Variants in PCDHGB1 observed in about 807,000 individuals in gnomAD.
PCDHGB1 encodes protocadherin gamma subfamily B, 1, also known as protocadherin gamma-B1.
PCDHGB1 carries 34 observed loss-of-function variants against 56.6 expected under a neutral mutation model. That is an observed-to-expected ratio of 0.60 (90% CI 0.46 to 0.80). PCDHGB1 has a LOEUF of 0.80. Among genes scored for constraint, PCDHGB1 ranks in the 30% least tolerant of loss-of-function variants. The pLI is 0.00. For missense variants in PCDHGB1, 1,278 were observed against 1,204.6 expected (o/e 1.06, Z -0.90); for synonymous variants, 561 against 505.9 (o/e 1.11, Z -1.46).
At chr5:141,472,980 C>CAAAAAAAAAA (rs60579131) in intron 1 of PCDHGB1, among the ~76,000 whole-genome samples, 34 of 85,838 alleles carry the variant, frequency 4.0e-4, no homozygotes, top group South Asian at 1.3e-3. Context: ...GAGTGAAACT[C>CAAAAAAAAAA]AAAAAAAAAA....
At chr5:141,447,675 C>T (rs1416110491) in intron 1 of PCDHGB1, among the ~76,000 whole-genome samples, 13 of 152,064 alleles carry the variant, frequency 8.5e-5, no homozygotes, top group Admixed American at 8.5e-4. Context: ...TAGAACTGTT[C>T]CATATCTTGA....
chr5:141,370,186 G>A (rs1032273618), intron 1 of PCDHGB1: 2 of 508,450 alleles, frequency 3.9e-6, no homozygotes, highest in Non-Finnish European at 6.8e-6. Flanking sequence ...GCCGCTCTTG[G>A]CTAGTGCTGT....
At chr5:141,467,901 C>T (rs1484485803) in intron 1 of PCDHGB1, among the ~76,000 whole-genome samples, 7 of 152,034 alleles carry the variant, frequency 4.6e-5, no homozygotes, top group Admixed American at 1.3e-4. Flanking sequence ...TCAAGAAATC[C>T]GCCCACCTCA....
At chr5:141,387,843 G>A in intron 1 of PCDHGB1, 5 of 1,597,072 alleles carry the variant, frequency 3.1e-6, no homozygotes, top group Admixed American at 1.7e-5. Flanking sequence ...TTTGTAACCC[G>A]GCGTCTCCAG....
At position 141,350,904 on chromosome 5, in the gene PCDHGB1, G is replaced by A; in HGVS notation, c.644G>A (p.Gly215Glu). The A allele has an allele frequency of 6.2e-7, 1 of 1,614,054 alleles. No individual in the cohort carries two copies. The highest frequency in any genetic ancestry group is 8.5e-7 in the Non-Finnish European group (1 of 1,179,904). Residue 215 changes from glycine to glutamate, a missense_variant, in exon 1 of 4, where the codon GGG (glycine) becomes GAG (glutamate). Coordinates refer to ENST00000523390, the MANE Select transcript of PCDHGB1 (RefSeq NM_018922.3). ...TTAATCCTGACTGCCATGGATGGCGGGGACCCGCCTCTAAGCGGCACCACC... is the reference window on the plus strand; with the variant it reads ...TTAATCCTGACTGCCATGGATGGCGAGGACCCGCCTCTAAGCGGCACCACC... ...HRLILTAMDG[G>E]DPPLSGTTHI...
chr5:141,505,182 C>T (rs1302018549), intron 2 of PCDHGB1, among the ~76,000 whole-genome samples: 2 of 152,094 alleles, frequency 1.3e-5, no homozygotes, highest in East Asian at 3.9e-4. Context: ...AAAAAAGCAT[C>T]GGAGGCAGCA....
intron 1 of PCDHGB1, among the ~76,000 whole-genome samples, chr5:141,433,378 T>C (rs1246585250): frequency 6.6e-5 from 10 of 151,072 alleles, no homozygotes. Context: ...TATCTATCTA[T>C]CTATCTATCT....
chr5:141,374,729 G>A, intron 1 of PCDHGB1: 2 of 1,610,396 alleles, frequency 1.2e-6, no homozygotes, highest in African/African-American at 2.7e-5. Context: ...TACTGCCATG[G>A]ATGGCGGCGA....
At chr5:141,375,511 A>G (rs372798366) in intron 1 of PCDHGB1, 69 of 1,613,842 alleles carry the variant, frequency 4.3e-5, no homozygotes, top group Non-Finnish European at 5.4e-5. Flanking sequence ...CTGTGAATGC[A>G]CTGGACCCTG....
At chr5:141,479,241 G>T (rs2099490987) in intron 1 of PCDHGB1, 1 of 152,174 alleles carries the variant, frequency 6.6e-6, no homozygotes, top group Admixed American at 6.5e-5. Context: ...CAAACCCAAA[G>T]ATAACCATTT....
chr5:141,386,504 T>A (rs1351334049), intron 1 of PCDHGB1, among the ~76,000 whole-genome samples: 1 of 84,712 alleles, frequency 1.2e-5, no homozygotes, highest in Non-Finnish European at 2.3e-5. Flanking sequence ...AACAAGACTC[T>A]GTCTCTTCAA....
In PCDHGB1 at chr5:141,489,088, G is replaced by GGCA; in HGVS notation, c.2410-5719_2410-5718insGCA. The GGCA allele has an allele frequency of 2.9e-6, 1 of 347,238 alleles. No individual in the cohort carries two copies. Among genetic ancestry groups the GGCA allele is most frequent in the Non-Finnish European group, 5.0e-6 (1 of 200,706 alleles). The allele number at this position is 347,238 out of a possible 1,614,324, so 21.5% of individuals were successfully genotyped here. A position where few individuals can be genotyped will look rare whatever the true frequency, so the allele number is the denominator to read the frequency against. The stretch of plus-strand genomic sequence containing the variant: ...CCCCTGCCCACCCCCGCCACTCGGT[G>GGCA]ACTAAGAACTGCTGCAAGCAGGCAA... On this transcript the variant is annotated intron_variant, in intron 1 of 3. Coordinates refer to ENST00000523390, the MANE Select transcript of PCDHGB1 (RefSeq NM_018922.3). This position sits in a 1 kb window ranked among gnomAD's most constrained non-coding sequence, Gnocchi z 4.5.
In PCDHGB1 at chr5:141,477,772, C is replaced by G. The variant is rs760319541; in HGVS notation, c.2410-17035C>G. The G allele has an allele frequency of 1.5e-5, 25 of 1,613,908 alleles. No homozygotes were observed. Among genetic ancestry groups the G allele is most frequent in the Non-Finnish European group, 2.1e-5 (25 of 1,180,042 alleles). On this transcript the variant is annotated intron_variant, in intron 1 of 3. Coordinates refer to ENST00000523390, the MANE Select transcript of PCDHGB1 (RefSeq NM_018922.3). This position sits in a 1 kb window ranked among gnomAD's most constrained non-coding sequence, Gnocchi z 4.9. Reference sequence around the variant, plus strand: ...CCCCGGTCCTAGCCACCAACATCAGCGTGAACATATTTGTCACTGATCGCA... The same window carrying G: ...CCCCGGTCCTAGCCACCAACATCAGGGTGAACATATTTGTCACTGATCGCA...
chr5:141,374,907 G>T (rs778308894), intron 1 of PCDHGB1: 1 of 1,613,828 alleles, frequency 6.2e-7, no homozygotes, highest in Non-Finnish European at 8.5e-7. Flanking sequence ...GGAGTCCACG[G>T]GGAAGTAACT....
intron 1 of PCDHGB1, among the ~76,000 whole-genome samples, chr5:141,443,297 A>G (rs1208893030): frequency 6.7e-6 from 1 of 148,196 alleles, no homozygotes; most frequent in East Asian, 2.0e-4. Context: ...CCTGGACAGC[A>G]TGGCAAAAAC....
rs201085226 is a variant in PCDHGB1 at position 141,365,970 on chromosome 5, C to T, written c.2409+13301C>T. 2.6e-5 allele frequency: 42 copies of T among 1,614,138 alleles called. 1 individual carries two copies. The Admixed American group carries it at 4.3e-4, about 17-fold the overall frequency. On this transcript the variant is annotated intron_variant, in intron 1 of 3. Transcript: ENST00000523390. ...AACCCTCCACTTAGCAGCAACGTGT[C>T]GCTGAGCCTGTTTGTGCTGGACCAG...
At chr5:141,356,015 G>A in intron 1 of PCDHGB1, 1 of 1,613,926 alleles carries the variant, frequency 6.2e-7, no homozygotes, top group Non-Finnish European at 8.5e-7. Flanking sequence ...CCAGATGAAG[G>A]AGCCAATGGA....
In PCDHGB1 at chr5:141,512,022, C is replaced by T. The variant is rs2154594692; in HGVS notation, c.*849C>T. The T allele has an allele frequency of 6.5e-6, 1 of 152,990 alleles. No individual in the cohort carries two copies. The highest frequency in any genetic ancestry group is 1.9e-4 in the East Asian group (1 of 5,186). The allele number at this position is 152,990 out of a possible 1,614,324, so 9.5% of individuals were successfully genotyped here. A position where few individuals can be genotyped will look rare whatever the true frequency, so the allele number is the denominator to read the frequency against. The stretch of plus-strand genomic sequence containing the variant: ...AGCTTGACACATCAAGTTATCAAGG[C>T]CTTGGAGGAGGCTCTGTATGTCCTC... On this transcript the variant is annotated 3_prime_UTR_variant, in exon 4 of 4. Transcript: ENST00000523390.
intron 1 of PCDHGB1, chr5:141,370,801 A>G: frequency 6.2e-7 from 1 of 1,614,036 alleles, no homozygotes; most frequent in Non-Finnish European, 8.5e-7. Flanking sequence ...TTTAGCCAAA[A>G]TATCACTGAG....
Sources: gnomAD v4.1 joint callset for allele counts (sites outside exome capture counted in the v4.1 genomes callset) on GRCh38, gnomAD v4.1.1 for gene constraint, Gnocchi (gnomAD v3.1) non-coding constraint, MANE v1.5 for transcripts, NCBI Gene and HGNC (gene_info 2026-07-23, HGNC 2026-07-21) for gene names.